LTC4S: variants seen among roughly 807,000 people sequenced by gnomAD.
LTC4S encodes LTC4 synthase.
In LTC4S, 18 loss-of-function variants were observed where a neutral mutation model predicts 19.6. The ratio of observed to expected loss-of-function variants is 0.92; its 90% CI spans 0.64 to 1.36. The LOEUF (loss-of-function observed/expected upper bound fraction) is 1.36, where lower values mean the gene tolerates loss of function less well. Ranked by LOEUF, LTC4S falls within the 40% of genes most tolerant of loss-of-function variation. The probability of loss-of-function intolerance (pLI) is 0.00; values close to 1 mark genes in which losing one functional copy is unlikely to be tolerated. For synonymous variants in LTC4S, 126 were observed against 110.1 expected (o/e 1.14, Z -0.91); for missense variants, 235 against 212.2 (o/e 1.11, Z -0.67).
chr5:179,796,245 G>A lies in LTC4S; in HGVS notation c.312-8G>A. 3 of 1,450,038 alleles carry A rather than the reference G, an allele frequency of 2.1e-6. No homozygotes were observed. Among genetic ancestry groups the A allele is most frequent in the Non-Finnish European group, 1.8e-6 (2 of 1,104,696 alleles). The allele number at this position is 1,450,038 out of a possible 1,614,324, so 89.8% of individuals were successfully genotyped here. ...TCGCGCCACCTCCCCGCTGACCGCC[G>A]CCCGCAGGCTGGCACCGCTGTACGC... is the stretch of plus-strand genomic sequence containing the variant. On this transcript the variant is annotated splice_polypyrimidine_tract_variant and splice_region_variant and intron_variant, in intron 4 of 4. Coordinates refer to ENST00000292596, the MANE Select transcript of LTC4S (RefSeq NM_145867.2).
chr5:179,795,840 C>T lies in LTC4S; in HGVS notation c.213C>T (p.Gly71=), dbSNP rs150331511. 3.8e-5 allele frequency: 61 copies of T among 1,606,864 alleles called. No individual in the cohort carries two copies. In the African/African-American group the frequency reaches 7.7e-4, roughly 20 times the overall value. Residue 71 remains glycine, a synonymous_variant, in exon 3 of 5, where the codon GGC becomes GGT. Transcript: ENST00000292596. ...TCCTCGCCACGCTCTGGGTCGCCGGCATCTTCTTTCATGAAGGTCGGGGTG... is the reference window on the plus strand; with the variant it reads ...TCCTCGCCACGCTCTGGGTCGCCGGTATCTTCTTTCATGAAGGTCGGGGTG... ...PLFLATLWVA[G]IFFHEGAAAL... is the part of the protein sequence containing the mutation.
Position 179,795,702 on chromosome 5 carries a change from G to C in LTC4S, c.158+19G>C. 1 of 1,577,820 alleles carries C rather than the reference G, an allele frequency of 6.3e-7. No homozygotes were observed. The highest frequency in any genetic ancestry group is 1.4e-5 in the African/African-American group (1 of 73,852). ...GAGCCCAGTGAGGCGCGGCGGGAGG[G>C]CGCGGGGCGGGGAGCGAGCCCCAGG... On this transcript the variant is annotated intron_variant, in intron 2 of 4. Coordinates refer to ENST00000292596, the MANE Select transcript of LTC4S (RefSeq NM_145867.2).
rs1435368451 is a variant in LTC4S at position 179,794,134 on chromosome 5, G to A, written c.54G>A (p.Leu18=). The A allele has an allele frequency of 6.2e-7, 1 of 1,613,488 alleles. No homozygotes were observed. The highest frequency in any genetic ancestry group is 1.7e-5 in the Admixed American group (1 of 60,000). ...LAAVTLLGVL[L]QAYFSLQVIS... ...CTGTCACCCTCCTGGGAGTCCTGCT[G>A]CAAGGTGGGCTGGTTCCTATCTAGG... The change falls in exon 1 of 5, where the codon CTG becomes CTA. Residue 18 remains leucine, a synonymous_variant. Coordinates refer to ENST00000292596, the MANE Select transcript of LTC4S (RefSeq NM_145867.2).
At chr5:179,794,274 G>C (rs990517861) in intron 1 of LTC4S, 136 bp downstream of exon 1, 1 of 1,104,000 alleles carries the variant, frequency 9.1e-7, no homozygotes, top group African/African-American at 1.6e-5. Flanking sequence ...GGACTTTCAG[G>C]GAACTGGGGG....
At chr5:179,794,505 C>T (rs1756549818) in intron 1 of LTC4S, among the ~76,000 whole-genome samples, 1 of 152,212 alleles carries the variant, frequency 6.6e-6, no homozygotes, top group African/African-American at 2.4e-5. Context: ...CTCCAGCCCC[C>T]TAAAAAGAGC....
intron 1 of LTC4S, 99 bp downstream of exon 1, chr5:179,794,237 GC>G: frequency 6.9e-7 from 1 of 1,459,606 alleles, no homozygotes; most frequent in Non-Finnish European, 9.5e-7. Context: ...GGGGACTCCA[GC>G]CCAGGCCCAA....
In LTC4S at chr5:179,795,296, G is replaced by T. The variant is rs535344572; in HGVS notation, c.59-288G>T. 2.4e-3 allele frequency: 2,557 copies of T among 1,084,362 alleles called. 11 individuals are homozygous for T. The highest frequency in any genetic ancestry group is 2.0e-3 in the Non-Finnish European group (1,671 of 816,448). The allele number at this position is 1,084,362 out of a possible 1,614,324, so 67.2% of individuals were successfully genotyped here. On this transcript the variant is annotated intron_variant, in intron 1 of 4. Transcript: ENST00000292596. ...TCAAGTGGTCTCTCTCGCGGAGCAG[G>T]TGTCCCTGTGCCTGAATCACTCACC...
At position 179,795,689 on chromosome 5, in the gene LTC4S, G is replaced by A; in HGVS notation, c.158+6G>A. 6.3e-7 allele frequency: 1 copy of A among 1,592,506 alleles called. No individual in the cohort carries two copies. The highest frequency in any genetic ancestry group is 8.5e-7 in the Non-Finnish European group (1 of 1,171,582). On this transcript the variant is annotated splice_donor_region_variant and intron_variant, in intron 2 of 4. Coordinates refer to ENST00000292596, the MANE Select transcript of LTC4S (RefSeq NM_145867.2). ...GAGCGCGTCTACCGAGCCCAGTGAG[G>A]CGCGGCGGGAGGGCGCGGGGCGGGG... is the stretch of plus-strand genomic sequence containing the variant.
Position 179,795,613 on chromosome 5 carries a change from C to G in LTC4S, c.88C>G (p.Arg30Gly). The change falls in exon 2 of 5, where the codon CGC becomes GGC. Residue 30 changes from arginine (R) to glycine (G), a missense_variant. Physicochemically the swap from Arg to Gly is moderately radical, Grantham distance 125. Coordinates refer to ENST00000292596, the MANE Select transcript of LTC4S (RefSeq NM_145867.2). ...CTTCTCCCTGCAGGTGATCTCGGCG[C>G]GCAGGGCCTTCCGCGTGTCGCCGCC... is the stretch of plus-strand genomic sequence containing the variant. The part of the protein sequence containing the change: ...AYFSLQVISA[R>G]RAFRVSPPLT... 6.2e-7 allele frequency: 1 copy of G among 1,610,394 alleles called. No homozygotes were observed. Among genetic ancestry groups the G allele is most frequent in the Non-Finnish European group, 8.5e-7 (1 of 1,179,232 alleles).
At chr5:179,795,538 G>C (rs756033144) in intron 1 of LTC4S, 46 bp from the exon 2 acceptor site, 50 of 1,570,156 alleles carry the variant, frequency 3.2e-5, no homozygotes, top group Non-Finnish European at 4.2e-5. Context: ...CCATCTCTGG[G>C]GCTTCGGGTG....
chr5:179,795,390 C>A, intron 1 of LTC4S, 194 bp from the exon 2 acceptor site: 1 of 1,437,198 alleles, frequency 7.0e-7, no homozygotes, highest in South Asian at 1.5e-5. Flanking sequence ...GCCCTCCTCG[C>A]TGAATGTCAG....
chr5:179,796,570 A>T lies in LTC4S; in HGVS notation c.*176A>T. On this transcript the variant is annotated 3_prime_UTR_variant, in exon 5 of 5. Transcript: ENST00000292596. Reference sequence around the variant, plus strand: ...GCGCACCGCGGGCTACGGAGCCTGGAGGGGCCCAGCCCGAGTCCGGGCAGC... The same window carrying T: ...GCGCACCGCGGGCTACGGAGCCTGGTGGGGCCCAGCCCGAGTCCGGGCAGC... 1 of 1,049,004 alleles carries T rather than the reference A, an allele frequency of 9.5e-7. No homozygotes were observed. The highest frequency in any genetic ancestry group is 1.3e-6 in the Non-Finnish European group (1 of 797,986). 65.0% of individuals were successfully genotyped at this position (1,049,004 alleles called of 1,614,324 possible). A position where few individuals can be genotyped will look rare whatever the true frequency, so the allele number is the denominator to read the frequency against.
In LTC4S at chr5:179,796,560, C is replaced by T. The variant is rs901260689; in HGVS notation, c.*166C>T. 5.6e-5 allele frequency: 64 copies of T among 1,142,418 alleles called. No homozygotes were observed. The highest frequency in any genetic ancestry group is 3.6e-4 in the African/African-American group (22 of 61,212). 70.8% of individuals were successfully genotyped at this position (1,142,418 alleles called of 1,614,324 possible). ...CGCGGGGGTGGCGCACCGCGGGCTA[C>T]GGAGCCTGGAGGGGCCCAGCCCGAG... is the stretch of plus-strand genomic sequence containing the variant. On this transcript the variant is annotated 3_prime_UTR_variant, in exon 5 of 5. Coordinates refer to ENST00000292596, the MANE Select transcript of LTC4S (RefSeq NM_145867.2).
rs776580942 is a variant in LTC4S, at chr5:179,794,087, G to GA, written c.8dup (p.Asp3GlufsTer74). On this transcript the variant is annotated frameshift_variant, in exon 1 of 5. Coordinates refer to ENST00000292596, the MANE Select transcript of LTC4S (RefSeq NM_145867.2). LOFTEE classifies it high-confidence loss of function. ...CCACCACACCGACGGTACCATGAAG[G>GA]ACGAGGTAGCTCTACTGGCTGCTGT... 6.2e-7 allele frequency: 1 copy of GA among 1,613,738 alleles called. No individual in the cohort carries two copies. The highest frequency in any genetic ancestry group is 8.5e-7 in the Non-Finnish European group (1 of 1,179,990).
At chr5:179,795,510 G>T in intron 1 of LTC4S, 74 bp from the exon 2 acceptor site, 2 of 1,539,224 alleles carry the variant, frequency 1.3e-6, no homozygotes, top group Non-Finnish European at 1.8e-6. Flanking sequence ...GGGCCAGATT[G>T]CAGGATCCCT....
chr5:179,796,069 G>A lies in LTC4S; in HGVS notation c.311+47G>A, dbSNP rs749433047. On this transcript the variant is annotated intron_variant, in intron 4 of 4. Coordinates refer to ENST00000292596, the MANE Select transcript of LTC4S (RefSeq NM_145867.2). ...GGGCGGGGCCGGGGAAAGATCGCGGGCGGGCGGGGCTCCTGGGGAGCGGGA... is the reference window on the plus strand; with the variant it reads ...GGGCGGGGCCGGGGAAAGATCGCGGACGGGCGGGGCTCCTGGGGAGCGGGA... The A allele has an allele frequency of 8.2e-6, 12 of 1,465,062 alleles. No homozygotes were observed. The East Asian group carries it at 2.8e-4, about 34-fold the overall frequency. The allele number at this position is 1,465,062 out of a possible 1,614,324, so 90.8% of individuals were successfully genotyped here. A position where few individuals can be genotyped will look rare whatever the true frequency, so the allele number is the denominator to read the frequency against.
At position 179,796,342 on chromosome 5, in the gene LTC4S, C is replaced by A; in HGVS notation, c.401C>A (p.Ala134Glu). 1 of 1,489,828 alleles carries A rather than the reference C, an allele frequency of 6.7e-7. No individual in the cohort carries two copies. Among genetic ancestry groups the A allele is most frequent in the Non-Finnish European group, 8.9e-7 (1 of 1,127,604 alleles). 92.3% of individuals were successfully genotyped at this position (1,489,828 alleles called of 1,614,324 possible). Reference protein sequence around the residue: ...LGLLAHFLPAALRAALLGRLR... With the variant: ...LGLLAHFLPAELRAALLGRLR... Reference sequence around the variant, plus strand: ...CTGCTCGCCCACTTCCTCCCGGCCGCGCTGCGCGCCGCGCTCCTCGGACGG... The same window carrying A: ...CTGCTCGCCCACTTCCTCCCGGCCGAGCTGCGCGCCGCGCTCCTCGGACGG... Residue 134 changes from alanine (A) to glutamate (E), a missense_variant, in exon 5 of 5, where the codon GCG (alanine) becomes GAG (glutamate). By Grantham distance (107) the Ala-to-Glu change is moderately radical (BLOSUM62 -1). Transcript: ENST00000292596.
chr5:179,795,468 G>A, intron 1 of LTC4S, 116 bp from the exon 2 acceptor site: 2 of 1,516,166 alleles, frequency 1.3e-6, no homozygotes, highest in South Asian at 1.2e-5. Flanking sequence ...GCGGGGTTCC[G>A]CCTTAGGGAG....
chr5:179,794,153 A>G lies in LTC4S; in HGVS notation c.58+15A>G, dbSNP rs769661517. 1 of 1,613,036 alleles carries G rather than the reference A, an allele frequency of 6.2e-7. No homozygotes were observed. Among genetic ancestry groups the G allele is most frequent in the Non-Finnish European group, 8.5e-7 (1 of 1,179,752 alleles). ...CCTGCTGCAAGGTGGGCTGGTTCCT[A>G]TCTAGGAAGAGGGTGGGCCTTAGAT... On this transcript the variant is annotated intron_variant, in intron 1 of 4. Coordinates refer to ENST00000292596, the MANE Select transcript of LTC4S (RefSeq NM_145867.2).
Sources: gnomAD v4.1 joint callset for allele counts (sites outside exome capture counted in the v4.1 genomes callset) on GRCh38, gnomAD v4.1.1 for gene constraint, MANE v1.5 for transcripts, NCBI Gene and HGNC (gene_info 2026-07-23, HGNC 2026-07-21) for gene names.